HAPLN1: variants seen among roughly 807,000 people sequenced by gnomAD.
The protein encoded by HAPLN1 is Cartilage link protein.
Under a neutral mutation model 36.5 loss-of-function variants are expected in HAPLN1, and 13 were observed. The observed-to-expected ratio is 0.36, with a 90% CI of 0.23 to 0.57. The LOEUF is 0.57. Among genes scored for constraint, HAPLN1 ranks in the 20% least tolerant of loss-of-function variants. HAPLN1 has a pLI of 0.83. For missense variants in HAPLN1, 407 were observed against 439.7 expected, an observed-to-expected ratio of 0.93 and a Z score of 0.66; for synonymous variants, 202 against 169.8, an observed-to-expected ratio of 1.19 and a Z score of -1.48.
chr5:83,669,785 G>A (rs1750654418), intron 2 of HAPLN1, among the ~76,000 whole-genome samples: 1 of 152,164 alleles, frequency 6.6e-6, no homozygotes, highest in Admixed American at 6.5e-5. Flanking sequence ...ACCAGGCACT[G>A]TACTAAGCAC....
At chr5:83,712,365 C>T (rs1751810335) in intron 1 of HAPLN1, among the ~76,000 whole-genome samples, 1 of 151,898 alleles carries the variant, frequency 6.6e-6, no homozygotes, top group Non-Finnish European at 1.5e-5. Context: ...AAATGGAGCA[C>T]ATAAAAAGTT....
intron 3 of HAPLN1, among the ~76,000 whole-genome samples, chr5:83,651,689 T>C (rs1750067146): frequency 7.7e-6 from 1 of 129,100 alleles, no homozygotes; most frequent in South Asian, 2.5e-4. Flanking sequence ...GCTGCCAAAA[T>C]CCACCCTTCA....
chr5:83,673,391 T>C, intron 2 of HAPLN1, 33 bp downstream of exon 2: 5 of 1,422,442 alleles, frequency 3.5e-6, no homozygotes, highest in Non-Finnish European at 4.8e-6. Flanking sequence ...TAAAATTAAT[T>C]AGGCTTTGAT....
intron 1 of HAPLN1, among the ~76,000 whole-genome samples, chr5:83,676,647 C>A (rs1750867216): frequency 6.6e-6 from 1 of 152,120 alleles, no homozygotes. Context: ...TGCTTGTTTG[C>A]ATTTTGTAAT....
chr5:83,682,432 T>C (rs1245107791), intron 1 of HAPLN1: 1 of 152,188 alleles, frequency 6.6e-6, no homozygotes. Flanking sequence ...TGATCATCGA[T>C]TTACTGTGGT....
chr5:83,720,584 G>A (rs1751996438), intron 1 of HAPLN1, among the ~76,000 whole-genome samples: 1 of 152,116 alleles, frequency 6.6e-6, no homozygotes, highest in African/African-American at 2.4e-5. Flanking sequence ...GACTGAGCCT[G>A]TTTATTGTAG....
At chr5:83,711,598 G>A (rs770175813) in intron 1 of HAPLN1, among the ~76,000 whole-genome samples, 3 of 152,144 alleles carry the variant, frequency 2.0e-5, no homozygotes, top group Non-Finnish European at 4.4e-5. Context: ...TCACTGCCCT[G>A]GACCCGTAGT....
chr5:83,656,700 C>G (rs562644148), intron 2 of HAPLN1, among the ~76,000 whole-genome samples: 28 of 152,250 alleles, frequency 1.8e-4, no homozygotes, highest in African/African-American at 6.5e-4. Flanking sequence ...AGATCTGATG[C>G]CCTTCAAAGC....
chr5:83,690,140 C>A (rs145822878), intron 1 of HAPLN1, among the ~76,000 whole-genome samples: 145 of 152,110 alleles, frequency 9.5e-4, no homozygotes, highest in African/African-American at 3.4e-3. Context: ...ATCAGTACTC[C>A]TCTGTCATAT....
At chr5:83,704,531 A>T (rs1002050055) in intron 1 of HAPLN1, among the ~76,000 whole-genome samples, 4 of 152,208 alleles carry the variant, frequency 2.6e-5, no homozygotes, top group Admixed American at 2.6e-4. Flanking sequence ...AACAACACCC[A>T]TAAGCTCAAA....
chr5:83,679,432 C>T (rs1422441201), intron 1 of HAPLN1, among the ~76,000 whole-genome samples: 1 of 152,074 alleles, frequency 6.6e-6, no homozygotes, highest in African/African-American at 2.4e-5. Context: ...CTATTTCTAT[C>T]CTGTTTTTCC....
chr5:83,648,853 T>C (rs999023185), intron 3 of HAPLN1, among the ~76,000 whole-genome samples: 1 of 152,214 alleles, frequency 6.6e-6, no homozygotes, highest in Non-Finnish European at 1.5e-5. Flanking sequence ...TTTTGCCGTG[T>C]GTGGTTCAGC....
At position 83,678,634 on chromosome 5, in the gene HAPLN1, A is replaced by C. The variant is rs188483019; in HGVS notation, c.-26-5085T>G. On this transcript the variant is annotated intron_variant, in intron 1 of 4. Coordinates refer to ENST00000274341, the MANE Select transcript of HAPLN1 (RefSeq NM_001884.4). ...GGGTCCACTGCTCTTCTCTGAAGCC[A>C]ATACGACTGCCCTTATGGGCTCAAT... 5.6e-4 allele frequency among the ~76,000 whole-genome samples: 85 copies of C among 152,276 alleles called. No individual in the cohort carries two copies. In the East Asian group the frequency reaches 7.1e-3, roughly 13 times the overall value.
intron 1 of HAPLN1, among the ~76,000 whole-genome samples, chr5:83,684,644 C>T (rs944788976): frequency 4.6e-5 from 7 of 152,114 alleles, no homozygotes; most frequent in South Asian, 2.1e-4. Context: ...GCTTGTGTGA[C>T]TACATGGAGC....
intron 2 of HAPLN1, among the ~76,000 whole-genome samples, chr5:83,662,989 T>A (rs1028759537): frequency 1.3e-5 from 2 of 152,202 alleles, no homozygotes; most frequent in African/African-American, 4.8e-5. Flanking sequence ...ATCAACAGCC[T>A]ACAATGGGTC....
At chr5:83,666,761 T>C (rs999730511) in intron 2 of HAPLN1, among the ~76,000 whole-genome samples, 26 of 152,172 alleles carry the variant, frequency 1.7e-4, no homozygotes, top group Admixed American at 1.4e-3. Flanking sequence ...TTAACACTTA[T>C]TTTATTTTTT....
At chr5:83,695,396 G>A (rs1190666944) in intron 1 of HAPLN1, among the ~76,000 whole-genome samples, 1 of 151,920 alleles carries the variant, frequency 6.6e-6, no homozygotes, top group East Asian at 1.9e-4. Flanking sequence ...AAAGTGCTGG[G>A]ATTACAGGTG....
intron 2 of HAPLN1, among the ~76,000 whole-genome samples, chr5:83,671,813 A>G (rs955357557): frequency 2.0e-5 from 3 of 152,342 alleles, no homozygotes; most frequent in Non-Finnish European, 4.4e-5. Flanking sequence ...GCAAGCCTGC[A>G]CTTTCTAAGA....
At chr5:83,644,015 G>A (rs913216402) in intron 4 of HAPLN1, among the ~76,000 whole-genome samples, 17 of 152,138 alleles carry the variant, frequency 1.1e-4, no homozygotes, top group African/African-American at 3.4e-4. Context: ...ATGAAGGCAC[G>A]CTTACTTTGA....
Sources: gnomAD v4.1 joint callset for allele counts (sites outside exome capture counted in the v4.1 genomes callset) on GRCh38, gnomAD v4.1.1 for gene constraint, MANE v1.5 for transcripts, NCBI Gene and HGNC (gene_info 2026-07-23, HGNC 2026-07-21) for gene names.